BOD1L1: variants seen among roughly 807,000 people sequenced by gnomAD.
BOD1L1 encodes the protein biorientation of chromosomes in cell division 1 like 1.
In BOD1L1, 86 loss-of-function variants were observed where a neutral mutation model predicts 240.7. The observed-to-expected ratio is 0.36, with a 90% CI of 0.30 to 0.43. The LOEUF is 0.43. Ranked by LOEUF, BOD1L1 falls within the 20% of genes least tolerant of loss-of-function variation. BOD1L1 has a pLI of 1.00. For synonymous variants in BOD1L1, 1,268 were observed against 1,272.3 expected (o/e 1.00, Z 0.07); for missense variants, 3,554 against 3,643.5 (o/e 0.98, Z 0.63).
At chr4:13,621,033 G>A (rs1164210323) in intron 1 of BOD1L1, among the ~76,000 whole-genome samples, 1 of 152,150 alleles carries the variant, frequency 6.6e-6, no homozygotes, top group Non-Finnish European at 1.5e-5. Flanking sequence ...CAATGCATAG[G>A]ACAATCCCCC....
chr4:13,583,031 C>T (rs1239643143), intron 17 of BOD1L1, among the ~76,000 whole-genome samples: 1 of 152,048 alleles, frequency 6.6e-6, no homozygotes, highest in African/African-American at 2.4e-5. Context: ...TGGATTTTGT[C>T]TTTTTAAGAC....
chr4:13,599,378 G>C lies in BOD1L1; in HGVS notation c.7522C>G (p.Pro2508Ala). The change falls in exon 10 of 26, where the codon CCA becomes GCA. Residue 2508 changes from proline (P) to alanine (A), a missense_variant. This residue lies in a region of BOD1L1 where 3,393 missense variants were observed against 3,427.1 expected (regional missense o/e 0.99). Transcript: ENST00000040738. The part of the protein sequence containing the change: ...NANSPAHLRG[P>A]EQTSGQTAKD... ...GCCGTCTGCCCAGACGTCTGTTCTG[G>C]TCCTCTCAGGTGGGCAGGTGAGTTA... 1 of 1,613,958 alleles carries C rather than the reference G, an allele frequency of 6.2e-7. No homozygotes were observed. The highest frequency in any genetic ancestry group is 8.5e-7 in the Non-Finnish European group (1 of 1,179,888).
Position 13,604,528 on chromosome 4 carries a change from C to T in BOD1L1, c.2372G>A (p.Ser791Asn), listed in dbSNP as rs775795292. ...LSSDDKTERK[S>N]KHRNERKLSV... ...TAATTTCCTTTCATTCCTATGTTTA[C>T]TTTTTCGTTCGGTTTTATCATCTGA... The change falls in exon 10 of 26, where the codon AGT (serine) becomes AAT (asparagine). Residue 791 changes from serine to asparagine, a missense_variant. By Grantham distance (46) the Ser-to-Asn change is conservative. Around this residue, in one of 2 missense-constraint regions of BOD1L1, gnomAD observed 3,393 missense variants for 3,427.1 expected, o/e 0.99. Transcript: ENST00000040738. 4 of 1,533,074 alleles carry T rather than the reference C, an allele frequency of 2.6e-6. No homozygotes were observed. The highest frequency in any genetic ancestry group is 2.3e-5 in the East Asian group (1 of 43,788). 95.0% of individuals were successfully genotyped at this position (1,533,074 alleles called of 1,614,324 possible). A position where few individuals can be genotyped will look rare whatever the true frequency, so the allele number is the denominator to read the frequency against.
intron 6 of BOD1L1, among the ~76,000 whole-genome samples, chr4:13,609,764 A>G (rs1716011490): frequency 6.6e-6 from 1 of 152,234 alleles, no homozygotes; most frequent in Non-Finnish European, 1.5e-5. Flanking sequence ...TATGAACATC[A>G]AGTATATATA....
intron 22 of BOD1L1, among the ~76,000 whole-genome samples, chr4:13,578,522 T>C (rs925307395): frequency 6.6e-6 from 1 of 152,152 alleles, no homozygotes; most frequent in African/African-American, 2.4e-5. Flanking sequence ...GTCCTAGGCA[T>C]TTTGAATAAG....
At chr4:13,571,062 A>G (rs1712165607) in intron 25 of BOD1L1, among the ~76,000 whole-genome samples, 1 of 152,236 alleles carries the variant, frequency 6.6e-6, no homozygotes, top group African/African-American at 2.4e-5. Context: ...ATTTTGTTTC[A>G]GTTACAGCAG....
In BOD1L1 at chr4:13,600,886, C is replaced by G. The variant is rs1269388276; in HGVS notation, c.6014G>C (p.Gly2005Ala). The change falls in exon 10 of 26, where the codon GGG becomes GCG. Residue 2005 changes from glycine to alanine, a missense_variant. Physicochemically the swap from Gly to Ala is moderately conservative, Grantham distance 60. Transcript: ENST00000040738. ...EDTTISTGLV[G>A]GSYDVLVSGE... ...AGATACAAGAACATCGTAACTACCC[C>G]CGACCAGGCCAGTGGAAATAGTGGT... 5.0e-6 allele frequency: 8 copies of G among 1,613,884 alleles called. No individual in the cohort carries two copies. The highest frequency in any genetic ancestry group is 8.5e-7 in the Non-Finnish European group (1 of 1,179,858).
At position 13,601,503 on chromosome 4, in the gene BOD1L1, A is replaced by G. The variant is rs1715158908; in HGVS notation, c.5397T>C (p.Asp1799=). The G allele has an allele frequency of 6.2e-7, 1 of 1,613,638 alleles. No homozygotes were observed. Among genetic ancestry groups the G allele is most frequent in the South Asian group, 1.1e-5 (1 of 91,058 alleles). ...SAVTSTGITE[D]GEGPASCTGS... ...CTGTGCAACTTGCTGGCCCCTCTCCATCTTCTGTTATCCCCGTGCTGGTGA... is the reference window on the plus strand; with the variant it reads ...CTGTGCAACTTGCTGGCCCCTCTCCGTCTTCTGTTATCCCCGTGCTGGTGA... The change falls in exon 10 of 26, where the codon GAT becomes GAC. Residue 1799 remains aspartate, a synonymous_variant. Coordinates refer to ENST00000040738, the MANE Select transcript of BOD1L1 (RefSeq NM_148894.3).
In BOD1L1 at chr4:13,599,118, C is replaced by T. The variant is rs1714856663; in HGVS notation, c.7782G>A (p.Leu2594=). The T allele has an allele frequency of 6.2e-7, 1 of 1,613,828 alleles. No individual in the cohort carries two copies. Residue 2594 remains leucine, a synonymous_variant, in exon 10 of 26, where the codon CTG becomes CTA. Coordinates refer to ENST00000040738, the MANE Select transcript of BOD1L1 (RefSeq NM_148894.3). Reference sequence around the variant, plus strand: ...AGTCCTGCTCACATTTAGGAGCCAACAGAGCTACACTGTAAGTAGCTGGAG... The same window carrying T: ...AGTCCTGCTCACATTTAGGAGCCAATAGAGCTACACTGTAAGTAGCTGGAG... ...MIPPATYSVA[L]LAPKCEQDLT...
chr4:13,620,146 T>C lies in BOD1L1; in HGVS notation c.244-79A>G. On this transcript the variant is annotated intron_variant, in intron 1 of 25. Coordinates refer to ENST00000040738, the MANE Select transcript of BOD1L1 (RefSeq NM_148894.3). Reference sequence around the variant, plus strand: ...ACCTCTCAGAAAAGTATTTTTACCATGGGACAACAAAGTTTCACAGTTTCT... The same window carrying C: ...ACCTCTCAGAAAAGTATTTTTACCACGGGACAACAAAGTTTCACAGTTTCT... The C allele has an allele frequency of 1.9e-5, 26 of 1,397,242 alleles. No homozygotes were observed. The South Asian group carries it at 3.8e-4, about 20-fold the overall frequency. The allele number at this position is 1,397,242 out of a possible 1,614,324, so 86.6% of individuals were successfully genotyped here.
At chr4:13,577,376 CTT>C (rs1712839627) in intron 24 of BOD1L1, 25 bp downstream of exon 24, 2 of 1,601,294 alleles carry the variant, frequency 1.2e-6, no homozygotes, top group South Asian at 1.1e-5. Context: ...AACAATAAGA[CTT>C]ATTAAGAATT....
chr4:13,576,043 C>G (rs1187926093), intron 25 of BOD1L1, among the ~76,000 whole-genome samples: 1 of 151,782 alleles, frequency 6.6e-6, no homozygotes, highest in Non-Finnish European at 1.5e-5. Flanking sequence ...GCTGGGATTA[C>G]AGGCACTCAC....
At chr4:13,584,775 G>A (rs1025784116) in intron 17 of BOD1L1, among the ~76,000 whole-genome samples, 2 of 151,144 alleles carry the variant, frequency 1.3e-5, no homozygotes, top group Admixed American at 6.6e-5. Context: ...TTGGTCTTTT[G>A]GTCTTACTAT....
intron 21 of BOD1L1, 54 bp from the exon 22 acceptor site, chr4:13,580,027 T>A: frequency 2.3e-6 from 3 of 1,281,984 alleles, no homozygotes; most frequent in South Asian, 1.3e-5. Flanking sequence ...TTTATAATCA[T>A]CACATAGAAA....
At chr4:13,591,999 C>T (rs1714257533) in intron 12 of BOD1L1, 33 bp from the exon 13 acceptor site, 3 of 1,489,786 alleles carry the variant, frequency 2.0e-6, no homozygotes, top group Non-Finnish European at 1.8e-6. Flanking sequence ...TGTAAAGAAA[C>T]TGAATATTGT....
chr4:13,582,099 A>G, intron 19 of BOD1L1, 138 bp downstream of exon 19: 1 of 632,304 alleles, frequency 1.6e-6, no homozygotes, highest in African/African-American at 1.8e-5. Flanking sequence ...ACTGTATGAA[A>G]TGGTGTTCCA....
At chr4:13,577,049 G>C in intron 24 of BOD1L1, 58 bp from the exon 25 acceptor site, 2 of 1,579,016 alleles carry the variant, frequency 1.3e-6, no homozygotes, top group Non-Finnish European at 1.7e-6. Flanking sequence ...ACTTCCAAGA[G>C]AGAGAGTCAT....
chr4:13,586,809 T>C (rs1018015162), intron 16 of BOD1L1, among the ~76,000 whole-genome samples: 5 of 152,186 alleles, frequency 3.3e-5, no homozygotes, highest in African/African-American at 7.2e-5. Context: ...AGCTTAGTAA[T>C]TGAGACCATG....
In BOD1L1 at chr4:13,603,363, T is replaced by G. The variant is rs1345345617; in HGVS notation, c.3537A>C (p.Pro1179=). The G allele has an allele frequency of 1.2e-6, 2 of 1,613,894 alleles. No homozygotes were observed. The highest frequency in any genetic ancestry group is 2.7e-5 in the African/African-American group (2 of 74,938). ...CTGTTCCACGGCCTGGCTTATAAGC[T>G]GGAGCTGTTGCTTTTGAATCTGCTG... ...TCTADSKATA[P]AYKPGRGTGV... is the part of the protein sequence containing the mutation. The change falls in exon 10 of 26, where the codon CCA becomes CCC. Residue 1179 remains proline (P), a synonymous_variant. Transcript: ENST00000040738.
Sources: gnomAD v4.1 joint callset for allele counts (sites outside exome capture counted in the v4.1 genomes callset) on GRCh38, gnomAD v4.1.1 for gene constraint, gnomAD v4.1.1 regional missense constraint, MANE v1.5 for transcripts, NCBI Gene and HGNC (gene_info 2026-07-23, HGNC 2026-07-21) for gene names.